The following SETD2 variants were observed in gnomAD, a reference collection of about 807,000 sequenced individuals.
SETD2 encodes the protein SET domain containing 2, histone lysine methyltransferase.
A neutral mutation model predicts 242.1 loss-of-function variants in SETD2; 31 were observed. The ratio of observed to expected loss-of-function variants is 0.13; its 90% confidence interval spans 0.10 to 0.17. The LOEUF (loss-of-function observed/expected upper bound fraction) is 0.17, where lower values mean the gene tolerates loss of function less well. SETD2 is among the 10% of genes least tolerant of loss of function. The pLI is 1.00. For synonymous variants in SETD2, 1,006 were observed against 1,066.5 expected, an observed-to-expected ratio of 0.94 and a Z score of 1.11; for missense variants, 2,481 against 3,046.3, an observed-to-expected ratio of 0.81 and a Z score of 4.37.
intron 1 of SETD2, among the ~76,000 whole-genome samples, chr3:47,159,813 A>C (rs184018638): frequency 1.3e-5 from 2 of 152,212 alleles, no homozygotes; most frequent in East Asian, 3.9e-4. Context: ...CATCTCTACC[A>C]AAAACACAAA....
chr3:47,123,091 T>C lies in SETD2; in HGVS notation c.1545A>G (p.Glu515=), dbSNP rs2106695184. ...ERRGKYSSKL[E]RESKRTSENE... ...TTTCTGAAGTCCTTTTAGATTCTCT[T>C]TCTAGTTTTGAAGAATACTTGCCTC... The change falls in exon 3 of 21, where the codon GAA becomes GAG. Residue 515 remains glutamate (E), a synonymous_variant. Transcript: ENST00000409792. The C allele has an allele frequency of 6.2e-7, 1 of 1,613,676 alleles. No homozygotes were observed. Among genetic ancestry groups the C allele is most frequent in the Non-Finnish European group, 8.5e-7 (1 of 1,179,772 alleles).
intron 4 of SETD2, among the ~76,000 whole-genome samples, chr3:47,115,373 A>G (rs2042813745): frequency 1.3e-5 from 2 of 152,138 alleles, no homozygotes; most frequent in African/African-American, 4.8e-5. Context: ...ACCCAGAAGA[A>G]TGACTAGGGC....
chr3:47,042,434 C>T lies in SETD2; in HGVS notation c.7238+127G>A, dbSNP rs1049945474. 4.8e-6 allele frequency: 4 copies of T among 827,964 alleles called. No homozygotes were observed. In the Admixed American group the frequency reaches 9.9e-5, roughly 21 times the overall value. The allele number at this position is 827,964 out of a possible 1,614,324, so 51.3% of individuals were successfully genotyped here. On this transcript the variant is annotated intron_variant, in intron 17 of 20. Transcript: ENST00000409792. ...ACACTTAAGATGTGATTCTGGAAAT[C>T]CAGCAGCCTTCAAGCACAGTGAAAA...
In SETD2 at chr3:47,057,374, T is replaced by C; in HGVS notation, c.6410A>G (p.Gln2137Arg). Reference sequence around the variant, plus strand: ...TCCCAGGTTCTGCATCTGTTGCTGTTGTTTCTGAGCCTCCCGTTGAGCCAC... The same window carrying C: ...TCCCAGGTTCTGCATCTGTTGCTGTCGTTTCTGAGCCTCCCGTTGAGCCAC... The part of the protein sequence containing the change: ...QEVAQREAQK[Q>R]QQQMQNLGMT... Residue 2137 changes from glutamine (Q) to arginine (R), a missense_variant, in exon 15 of 21, where the codon CAA becomes CGA. Gln to Arg is a conservative substitution (Grantham distance 43). Coordinates refer to ENST00000409792, the MANE Select transcript of SETD2 (RefSeq NM_014159.7). 1.2e-6 allele frequency: 2 copies of C among 1,614,248 alleles called. No homozygotes were observed. Among genetic ancestry groups the C allele is most frequent in the East Asian group, 2.2e-5 (1 of 44,890 alleles).
In SETD2 at chr3:47,017,539, G is replaced by GAA. The variant is rs879918934; in HGVS notation, c.7533+97_7533+98dup. 34 of 761,466 alleles carry GAA rather than the reference G, an allele frequency of 4.5e-5. No individual in the cohort carries two copies. The highest frequency in any genetic ancestry group is 1.2e-4 in the South Asian group (6 of 49,366). The allele number at this position is 761,466 out of a possible 1,614,324, so 47.2% of individuals were successfully genotyped here. ...GGTCCCCAGCTCTGACATCTGACAA[G>GAA]AAAAAAAAAAATACTTTCTATGATG... On this transcript the variant is annotated intron_variant, in intron 20 of 20. Transcript: ENST00000409792. This position sits in a 1 kb window ranked among gnomAD's most constrained non-coding sequence, Gnocchi z 4.8.
chr3:47,021,363 G>A (rs771688273), intron 18 of SETD2, among the ~76,000 whole-genome samples: 1 of 152,158 alleles, frequency 6.6e-6, no homozygotes, highest in South Asian at 2.1e-4. Context: ...AGGGTACTAT[G>A]TAAATAGAAA....
chr3:47,157,791 T>C (rs2044159500), intron 1 of SETD2, among the ~76,000 whole-genome samples: 1 of 149,528 alleles, frequency 6.7e-6, no homozygotes, highest in African/African-American at 2.5e-5. Context: ...GAGAACTGCT[T>C]AAACCCAGGG....
intron 1 of SETD2, among the ~76,000 whole-genome samples, chr3:47,138,011 G>C (rs1321046916): frequency 1.1e-4 from 17 of 151,318 alleles, no homozygotes; most frequent in Admixed American, 1.1e-3. Flanking sequence ...TCGCTCTGTC[G>C]CCCAGGCTGG....
chr3:47,057,597 A>G (rs1278138885), intron 14 of SETD2, 107 bp from the exon 15 acceptor site: 30 of 778,280 alleles, frequency 3.9e-5, no homozygotes, highest in Non-Finnish European at 6.2e-5. Context: ...ACCACATCAA[A>G]CCCTATTTGG....
Position 47,126,266 on chromosome 3 carries a change from C to T in SETD2, c.87+382G>A, listed in dbSNP as rs573837160. On this transcript the variant is annotated intron_variant, in intron 2 of 20. Coordinates refer to ENST00000409792, the MANE Select transcript of SETD2 (RefSeq NM_014159.7). ...CAAACTCCTGACCTCAAGTGATCCA[C>T]CTGCCTCAGCTTCCCAAAGTGCTGG... Among the ~76,000 whole-genome samples the T allele has an allele frequency of 4.6e-5, 7 of 152,368 alleles. No homozygotes were observed. In the South Asian group the frequency reaches 1.4e-3, roughly 32 times the overall value.
chr3:47,078,923 T>G (rs1575737669), intron 12 of SETD2, among the ~76,000 whole-genome samples: 1 of 151,878 alleles, frequency 6.6e-6, no homozygotes, highest in Non-Finnish European at 1.5e-5. Flanking sequence ...AGAGACAGGG[T>G]TTTGCTTTGT....
chr3:47,075,655 T>C (rs1207291774), intron 12 of SETD2, among the ~76,000 whole-genome samples: 1 of 138,168 alleles, frequency 7.2e-6, no homozygotes, highest in Non-Finnish European at 1.6e-5. Flanking sequence ...GACAGAGAAA[T>C]AGTTATTTTT....
chr3:47,024,188 A>C (rs2038363443), intron 18 of SETD2, among the ~76,000 whole-genome samples: 1 of 152,182 alleles, frequency 6.6e-6, no homozygotes, highest in East Asian at 1.9e-4. Flanking sequence ...AAAAATACAA[A>C]AAGGCCAGGC....
intron 4 of SETD2, among the ~76,000 whole-genome samples, 199 bp from the exon 5 acceptor site, chr3:47,114,203 T>C (rs2042766048): frequency 6.6e-6 from 1 of 152,232 alleles, no homozygotes; most frequent in Admixed American, 6.5e-5. Flanking sequence ...ACATTGTTAC[T>C]TAAACAGATC....
intron 1 of SETD2, chr3:47,127,554 C>A: frequency 2.2e-6 from 1 of 453,208 alleles, no homozygotes; most frequent in African/African-American, 2.0e-5. Context: ...ATAGCAAAAC[C>A]TCATCTCTCT....
intron 10 of SETD2, 90 bp downstream of exon 10, chr3:47,088,022 CT>C: frequency 7.9e-7 from 1 of 1,263,474 alleles, no homozygotes; most frequent in Non-Finnish European, 1.1e-6. Context: ...ATAAGACTAA[CT>C]CTTATCAGAA....
chr3:47,124,666 G>T, intron 2 of SETD2, 118 bp from the exon 3 acceptor site: 1 of 831,488 alleles, frequency 1.2e-6, no homozygotes, highest in South Asian at 2.0e-5. Flanking sequence ...CAAATAGTAT[G>T]AATTTCACTA....
intron 12 of SETD2, chr3:47,080,761 C>T (rs2041286275): frequency 1.0e-6 from 1 of 982,646 alleles, no homozygotes; most frequent in South Asian, 4.7e-5. Context: ...GGAGTCAAGG[C>T]AGTGGTCCTG....
chr3:47,135,683 C>A (rs567428518), intron 1 of SETD2, among the ~76,000 whole-genome samples: 81 of 152,254 alleles, frequency 5.3e-4, no homozygotes, highest in Middle Eastern at 3.4e-3. Flanking sequence ...CACTCTGTTC[C>A]CTTACTCTCC....
Sources: allele counts gnomAD v4.1 joint callset (sites outside exome capture counted in the v4.1 genomes callset), GRCh38; gene constraint gnomAD v4.1.1; non-coding constraint Gnocchi (gnomAD v3.1); transcripts MANE v1.5; gene names NCBI Gene and HGNC (gene_info 2026-07-23, HGNC 2026-07-21).